The following TAFA4 variants were observed in gnomAD, a reference collection of about 807,000 sequenced individuals.
TAFA4 encodes TAFA chemokine like family member 4, also known as chemokine-like protein TAFA-4.
A neutral mutation model predicts 21.1 loss-of-function variants in TAFA4; 20 were observed. The ratio of observed to expected loss-of-function variants is 0.95; its 90% CI spans 0.67 to 1.38. The LOEUF is 1.38. Among genes scored for constraint, TAFA4 ranks in the 40% most tolerant of loss-of-function variants. The probability of loss-of-function intolerance (pLI) is 0.00; values close to 1 mark genes in which losing one functional copy is unlikely to be tolerated. For missense variants in TAFA4, 211 were observed against 180.9 expected, an observed-to-expected ratio of 1.17 and a Z score of -0.95; for synonymous variants, 71 against 67.4, an observed-to-expected ratio of 1.05 and a Z score of -0.26.
chr3:68,781,029 A>G (rs542377916), intron 3 of TAFA4, among the ~76,000 whole-genome samples: 38 of 152,270 alleles, frequency 2.5e-4, no homozygotes, highest in African/African-American at 4.6e-4. Context: ...TAAACAATAC[A>G]TTCCTAAATA....
intron 3 of TAFA4, among the ~76,000 whole-genome samples, chr3:68,806,208 G>T (rs918005294): frequency 6.6e-6 from 1 of 151,974 alleles, no homozygotes; most frequent in Non-Finnish European, 1.5e-5. Flanking sequence ...TACTTTCCCC[G>T]AAGTCTGTGA....
chr3:68,852,583 C>T (rs1453077655), intron 3 of TAFA4, among the ~76,000 whole-genome samples: 3 of 152,150 alleles, frequency 2.0e-5, no homozygotes, highest in Non-Finnish European at 4.4e-5. Flanking sequence ...GTATGGAGAA[C>T]CCAGGGTAGG....
intron 3 of TAFA4, among the ~76,000 whole-genome samples, chr3:68,841,762 G>A (rs896006047): frequency 6.7e-6 from 1 of 150,128 alleles, no homozygotes; most frequent in Non-Finnish European, 1.5e-5. Context: ...TGTTCTCATT[G>A]TTCAACTCCC....
At chr3:68,803,001 G>A (rs1703608237) in intron 3 of TAFA4, among the ~76,000 whole-genome samples, 1 of 152,176 alleles carries the variant, frequency 6.6e-6, no homozygotes, top group African/African-American at 2.4e-5. Flanking sequence ...ACTCTCAGAA[G>A]ACGGTTTGTT....
intron 4 of TAFA4, among the ~76,000 whole-genome samples, chr3:68,750,116 A>T (rs368172179): frequency 1.3e-5 from 2 of 152,298 alleles, no homozygotes; most frequent in East Asian, 3.9e-4. Context: ...TTTGCCATAA[A>T]CACAATCAAA....
chr3:68,855,614 A>T (rs570824443), intron 3 of TAFA4, among the ~76,000 whole-genome samples: 1 of 152,238 alleles, frequency 6.6e-6, no homozygotes, highest in South Asian at 2.1e-4. Flanking sequence ...AGGGGGGAAA[A>T]AAGTTGTAGA....
intron 2 of TAFA4, among the ~76,000 whole-genome samples, chr3:68,881,652 C>T (rs6770590): frequency 2.2e-3 from 331 of 152,242 alleles, no homozygotes; most frequent in African/African-American, 7.4e-3. Context: ...TCTGAAATTC[C>T]GGTGCTAATA....
intron 4 of TAFA4, among the ~76,000 whole-genome samples, chr3:68,748,465 G>A (rs1008975702): frequency 3.3e-5 from 5 of 152,148 alleles, no homozygotes; most frequent in South Asian, 2.1e-4. Context: ...AAAGTGGGCC[G>A]GGTGCGGTGG....
chr3:68,738,361 A>T (rs963580379), intron 5 of TAFA4, among the ~76,000 whole-genome samples: 2 of 152,152 alleles, frequency 1.3e-5, no homozygotes, highest in Middle Eastern at 3.2e-3. Context: ...GAATATTTTG[A>T]GGTGGACTAG....
chr3:68,835,925 G>C (rs952281242), intron 3 of TAFA4, among the ~76,000 whole-genome samples: 1 of 152,168 alleles, frequency 6.6e-6, no homozygotes, highest in South Asian at 2.1e-4. Flanking sequence ...AATTATGTGT[G>C]ATGTTTCAAA....
chr3:68,753,341 T>G (rs913292372), intron 3 of TAFA4, among the ~76,000 whole-genome samples: 3 of 148,314 alleles, frequency 2.0e-5, no homozygotes, highest in Admixed American at 6.7e-5. Flanking sequence ...AGAGTTTTTT[T>G]TTTTTTTTTT....
intron 3 of TAFA4, among the ~76,000 whole-genome samples, chr3:68,776,238 T>C (rs888319314): frequency 6.6e-6 from 1 of 151,974 alleles, no homozygotes; most frequent in Admixed American, 6.6e-5. Context: ...ACCGTCAGAA[T>C]AGACAAAAAC....
chr3:68,873,710 T>C (rs142590004), intron 3 of TAFA4, among the ~76,000 whole-genome samples: 1 of 152,176 alleles, frequency 6.6e-6, no homozygotes, highest in African/African-American at 2.4e-5. Flanking sequence ...AAAGTGCCAC[T>C]TGAAAGACAA....
At chr3:68,770,172 G>A (rs1702926600) in intron 3 of TAFA4, among the ~76,000 whole-genome samples, 1 of 152,074 alleles carries the variant, frequency 6.6e-6, no homozygotes, top group Admixed American at 6.5e-5. Flanking sequence ...GTTCATTTTT[G>A]TTTTCTGTTT....
intron 5 of TAFA4, among the ~76,000 whole-genome samples, chr3:68,737,752 C>A (rs376198190): frequency 2.6e-5 from 4 of 152,252 alleles, no homozygotes; most frequent in African/African-American, 9.6e-5. Context: ...AGATGAATTA[C>A]TAAACACTTA....
At chr3:68,840,343 G>C (rs1337928017) in intron 3 of TAFA4, among the ~76,000 whole-genome samples, 1 of 152,024 alleles carries the variant, frequency 6.6e-6, no homozygotes, top group Non-Finnish European at 1.5e-5. Context: ...CATATAACTG[G>C]GACCACAGGC....
intron 3 of TAFA4, among the ~76,000 whole-genome samples, chr3:68,825,499 A>T (rs1026885409): frequency 2.0e-5 from 3 of 148,918 alleles, no homozygotes; most frequent in African/African-American, 7.8e-5. Context: ...AAAGCAAAGT[A>T]ACAGTTTCTT....
At chr3:68,856,145 A>G (rs1169453466) in intron 3 of TAFA4, among the ~76,000 whole-genome samples, 1 of 152,120 alleles carries the variant, frequency 6.6e-6, no homozygotes, top group Non-Finnish European at 1.5e-5. Context: ...TGATTTGGTT[A>G]AACTACTCAG....
At chr3:68,780,786 C>G (rs1369396609) in intron 3 of TAFA4, among the ~76,000 whole-genome samples, 3 of 151,806 alleles carry the variant, frequency 2.0e-5, no homozygotes, top group African/African-American at 7.3e-5. Context: ...AACAAGTAAA[C>G]AAATAATCAG....
Sources: allele counts gnomAD v4.1 joint callset (sites outside exome capture counted in the v4.1 genomes callset), GRCh38; gene constraint gnomAD v4.1.1; transcripts MANE v1.5; gene names NCBI Gene and HGNC (gene_info 2026-07-23, HGNC 2026-07-21).